GRIN3A: variants seen among roughly 807,000 people sequenced by gnomAD.
GRIN3A encodes the protein glutamate receptor ionotropic, NMDA 3A.
In GRIN3A, 47 loss-of-function variants were observed where a neutral mutation model predicts 92.4. The ratio of observed to expected loss-of-function variants is 0.51; its 90% CI spans 0.40 to 0.65. The LOEUF is 0.65. Among genes scored for constraint, GRIN3A ranks in the 30% least tolerant of loss-of-function variants. GRIN3A has a pLI of 0.00. For synonymous variants in GRIN3A, 527 were observed against 540.6 expected, an observed-to-expected ratio of 0.97 and a Z score of 0.35; for missense variants, 1,324 against 1,393.1, an observed-to-expected ratio of 0.95 and a Z score of 0.79.
chr9:101,585,819 T>A (rs1827944406), intron 6 of GRIN3A, among the ~76,000 whole-genome samples: 1 of 152,194 alleles, frequency 6.6e-6, no homozygotes, highest in East Asian at 1.9e-4. Context: ...AGAATGACTG[T>A]CATGTCACTC....
intron 1 of GRIN3A, among the ~76,000 whole-genome samples, chr9:101,698,842 G>A (rs1260364265): frequency 1.3e-5 from 2 of 151,920 alleles, no homozygotes; most frequent in Non-Finnish European, 2.9e-5. Context: ...CTAATTTCTT[G>A]TATTTTTAGT....
At chr9:101,651,320 A>C (rs1030009374) in intron 3 of GRIN3A, among the ~76,000 whole-genome samples, 1 of 151,992 alleles carries the variant, frequency 6.6e-6, no homozygotes, top group African/African-American at 2.4e-5. Context: ...GAGAAAAACA[A>C]CACCAAGCAA....
At chr9:101,619,153 G>C (rs35569161) in intron 5 of GRIN3A, among the ~76,000 whole-genome samples, 24,642 of 152,108 alleles carry the variant, frequency 0.16, 2,323 homozygotes, top group Non-Finnish European at 0.21. Context: ...TCCGAAATGT[G>C]GTTGGAAAAG....
intron 1 of GRIN3A, among the ~76,000 whole-genome samples, chr9:101,709,694 C>T (rs1358763914): frequency 2.0e-5 from 3 of 152,138 alleles, no homozygotes; most frequent in East Asian, 1.9e-4. Context: ...TAGGTTTTTA[C>T]GTATATGCAA....
intron 1 of GRIN3A, among the ~76,000 whole-genome samples, chr9:101,708,398 AAGCCAATTAC>A (rs1440599431): frequency 2.0e-5 from 3 of 152,290 alleles, no homozygotes; most frequent in East Asian, 3.9e-4. Context: ...TTTATAGATA[AAGCCAATTAC>A]AGCATATTTT....
At chr9:101,623,959 A>T (rs1364478983) in intron 4 of GRIN3A, among the ~76,000 whole-genome samples, 1 of 152,254 alleles carries the variant, frequency 6.6e-6, no homozygotes, top group African/African-American at 2.4e-5. Flanking sequence ...TTCCACCTAC[A>T]AAGAGGGCAA....
At chr9:101,606,933 T>TTCC (rs1828292981) in intron 6 of GRIN3A, among the ~76,000 whole-genome samples, 1 of 123,924 alleles carries the variant, frequency 8.1e-6, no homozygotes, top group Non-Finnish European at 1.7e-5. Flanking sequence ...TTTTTTTTGC[T>TTCC]GAGTCAAAAG....
In GRIN3A at chr9:101,663,356, A is replaced by G. The variant is rs1475059483; in HGVS notation, c.2352+6704T>C. Among the ~76,000 whole-genome samples, 5 of 151,838 alleles carry G rather than the reference A, an allele frequency of 3.3e-5. No homozygotes were observed. In the East Asian group the frequency reaches 7.8e-4, roughly 24 times the overall value. ...ATGTTTCTCTTTCCTACTAAATTCC[A>G]TGTTGCAAGGACAGTGTCTATTTTG... On this transcript the variant is annotated intron_variant, in intron 3 of 8. Coordinates refer to ENST00000361820, the MANE Select transcript of GRIN3A (RefSeq NM_133445.3).
At chr9:101,735,538 C>T (rs566189096) in intron 1 of GRIN3A, among the ~76,000 whole-genome samples, 67 of 151,834 alleles carry the variant, frequency 4.4e-4, no homozygotes, top group Non-Finnish European at 7.1e-4. Flanking sequence ...CTAAGGAACA[C>T]GAATTTTGGT....
chr9:101,687,008 T>A lies in GRIN3A; in HGVS notation c.892A>T (p.Thr298Ser). Residue 298 changes from threonine (T) to serine (S), a missense_variant, in exon 2 of 9, where the codon ACC becomes TCC. Transcript: ENST00000361820. Reference protein sequence around the residue: ...KFHLGSIINITANLPSTQDLL... With the variant: ...KFHLGSIINISANLPSTQDLL... ...TCCTGGGTGGAGGGGAGGTTAGCGG[T>A]GATGTTGATGATAGAACCAAGGTGG... The A allele has an allele frequency of 6.2e-7, 1 of 1,613,904 alleles. No homozygotes were observed. The highest frequency in any genetic ancestry group is 8.5e-7 in the Non-Finnish European group (1 of 1,179,962).
At chr9:101,607,933 A>G (rs1378875293) in intron 6 of GRIN3A, among the ~76,000 whole-genome samples, 2 of 152,244 alleles carry the variant, frequency 1.3e-5, no homozygotes, top group African/African-American at 4.8e-5. Context: ...AGCTCAGTCA[A>G]TGAACTGAAG....
intron 3 of GRIN3A, among the ~76,000 whole-genome samples, chr9:101,650,370 C>G (rs12553913): frequency 6.6e-6 from 1 of 152,010 alleles, no homozygotes; most frequent in Non-Finnish European, 1.5e-5. Flanking sequence ...CAAACATGTT[C>G]TAAGCACAGT....
intron 4 of GRIN3A, among the ~76,000 whole-genome samples, chr9:101,624,202 T>C (rs1056051305): frequency 1.8e-4 from 27 of 151,838 alleles, no homozygotes; most frequent in Admixed American, 1.3e-4. Flanking sequence ...TCATTCCTTT[T>C]TTAAAAATTT....
intron 4 of GRIN3A, among the ~76,000 whole-genome samples, chr9:101,627,129 G>A (rs1163453523): frequency 1.3e-5 from 2 of 152,236 alleles, no homozygotes; most frequent in South Asian, 4.1e-4. Context: ...CCATAAATTC[G>A]CCTGAAGAAG....
At chr9:101,672,252 A>G (rs1829337914) in intron 2 of GRIN3A, among the ~76,000 whole-genome samples, 1 of 152,188 alleles carries the variant, frequency 6.6e-6, no homozygotes, top group Admixed American at 6.5e-5. Context: ...CTTCATTACA[A>G]GAGTTGGAAA....
At chr9:101,595,602 A>G (rs1205210881) in intron 6 of GRIN3A, among the ~76,000 whole-genome samples, 2 of 152,200 alleles carry the variant, frequency 1.3e-5, no homozygotes, top group African/African-American at 4.8e-5. Context: ...TTCAGGACGT[A>G]GGATTCAGAG....
chr9:101,679,462 C>A (rs1423224072), intron 2 of GRIN3A, among the ~76,000 whole-genome samples: 2 of 151,904 alleles, frequency 1.3e-5, no homozygotes, highest in Non-Finnish European at 2.9e-5. Flanking sequence ...TATGTGAGTC[C>A]CCCCGACCCC....
intron 1 of GRIN3A, among the ~76,000 whole-genome samples, chr9:101,697,131 A>T (rs1829695377): frequency 6.6e-6 from 1 of 152,208 alleles, no homozygotes; most frequent in Non-Finnish European, 1.5e-5. Context: ...GACATTGACG[A>T]GCTTAACACT....
chr9:101,712,748 A>G (rs1829895022), intron 1 of GRIN3A, among the ~76,000 whole-genome samples: 1 of 152,228 alleles, frequency 6.6e-6, no homozygotes, highest in Non-Finnish European at 1.5e-5. Context: ...AGCTAGTGGA[A>G]ACAGAATAAA....
Sources: allele counts gnomAD v4.1 joint callset (sites outside exome capture counted in the v4.1 genomes callset), GRCh38; gene constraint gnomAD v4.1.1; transcripts MANE v1.5; gene names NCBI Gene and HGNC (gene_info 2026-07-23, HGNC 2026-07-21).